The following RTL9 variants were observed in gnomAD, a reference collection of about 807,000 sequenced individuals.
RTL9 encodes retrotransposon Gag-like protein 9.
A neutral mutation model predicts 44.7 loss-of-function variants in RTL9; 19 were observed. The ratio of observed to expected loss-of-function variants is 0.42; its 90% confidence interval spans 0.30 to 0.62. The LOEUF (loss-of-function observed/expected upper bound fraction) is 0.62, where lower values mean the gene tolerates loss of function less well. RTL9 is among the 20% of genes least tolerant of loss of function. The pLI is 0.16. For missense variants in RTL9, 1,105 were observed against 1,080.6 expected, an observed-to-expected ratio of 1.02 and a Z score of -0.32; for synonymous variants, 407 against 398.9, an observed-to-expected ratio of 1.02 and a Z score of -0.24.
intron 1 of RTL9, among the ~76,000 whole-genome samples, chrX:110,370,593 T>G (rs913307807): frequency 8.9e-6 from 1 of 112,629 alleles, no homozygotes; most frequent in African/African-American, 3.2e-5. Context: ...GTTAATTACT[T>G]AATTTTCTTA....
rs772510372 is a variant in RTL9 at position 110,365,388 on chromosome X, C to T, written c.-168+6472C>T. ...AGAATAAACTCCAAATGTTCATTTACAATTCCAGCCAATAATCACTTACCT... is the reference window on the plus strand; with the variant it reads ...AGAATAAACTCCAAATGTTCATTTATAATTCCAGCCAATAATCACTTACCT... On this transcript the variant is annotated intron_variant, in intron 1 of 2. Coordinates refer to the RTL9 transcript ENST00000520821. 4.4e-5 allele frequency among the ~76,000 whole-genome samples: 5 copies of T among 112,407 alleles called. 1 individual carries two copies. The highest frequency in any genetic ancestry group is 9.1e-3 in the Middle Eastern group (2 of 219).
chrX:110,451,144 T>C (rs1363814899), exon 1 of RTL9: 1 of 1,210,402 alleles, frequency 8.3e-7, no homozygotes, highest in African/African-American at 1.7e-5. Context: ...TCCTCTGGAG[T>C]GGTGTGTACA....
At chrX:110,446,417 G>C (rs973853971), upstream of RTL9, among the ~76,000 whole-genome samples, 1 of 110,799 alleles carries the variant, frequency 9.0e-6, no homozygotes, top group Non-Finnish European at 1.9e-5. Flanking sequence ...CTTGGGTCGG[G>C]GGGTGGATGT....
At chrX:110,423,263 G>A (rs1471954890) in intron 1 of RTL9, among the ~76,000 whole-genome samples, 1 of 110,265 alleles carries the variant, frequency 9.1e-6, no homozygotes, top group Admixed American at 9.6e-5. Context: ...GGGAGGTTGA[G>A]GTTGCAGTGA....
chrX:110,418,422 G>C (rs1216688333), upstream of RTL9, among the ~76,000 whole-genome samples: 1 of 111,958 alleles, frequency 8.9e-6, no homozygotes, highest in East Asian at 2.8e-4. Context: ...TGTGCCGATG[G>C]CCCCCGTGTG....
intron 1 of RTL9, among the ~76,000 whole-genome samples, chrX:110,400,668 A>G (rs1456049147): frequency 9.0e-6 from 1 of 111,482 alleles, no homozygotes; most frequent in Non-Finnish European, 1.9e-5. Context: ...TGTCTCGCAA[A>G]TATTTTCTCT....
At chrX:110,447,111 CTTTTTTT>C (rs1181988453), upstream of RTL9, among the ~76,000 whole-genome samples, 51 of 36,834 alleles carry the variant, frequency 1.4e-3, 1 homozygote, top group African/African-American at 6.8e-3. Flanking sequence ...TATTCTGTGA[CTTTTTTT>C]TTTTTTTTTT....
At chrX:110,436,369 A>C (rs2068838517) in intron 1 of RTL9, among the ~76,000 whole-genome samples, 2 of 111,901 alleles carry the variant, frequency 1.8e-5, no homozygotes, top group Non-Finnish European at 1.9e-5. Context: ...AGAGCTCTTT[A>C]AACATGCAGA....
chrX:110,365,430 C>T lies in RTL9; in HGVS notation c.-168+6514C>T, dbSNP rs775042068. On this transcript the variant is annotated intron_variant, in intron 1 of 2. Coordinates refer to the RTL9 transcript ENST00000520821. ...CACTTACCTTATTGCATTCTTGTAG[C>T]GTGATCTATATGCTTTAGTTCATGT... 7.1e-5 allele frequency among the ~76,000 whole-genome samples: 8 copies of T among 112,186 alleles called. No homozygotes were observed. In the South Asian group the frequency reaches 2.6e-3, roughly 37 times the overall value.
At chrX:110,413,923 T>C (rs1263962394) in intron 1 of RTL9, among the ~76,000 whole-genome samples, 7 of 111,833 alleles carry the variant, frequency 6.3e-5, no homozygotes, top group Admixed American at 1.9e-4. Context: ...ATCCTCACAA[T>C]AACTTTATGA....
intron 1 of RTL9, among the ~76,000 whole-genome samples, chrX:110,391,923 T>C (rs2068496530): frequency 8.9e-6 from 1 of 112,089 alleles, no homozygotes; most frequent in Admixed American, 9.4e-5. Context: ...TGTGAAAAAA[T>C]AATATGCTTC....
chrX:110,451,872 C>G (rs769672389), exon 1 of RTL9: 1 of 1,211,197 alleles, frequency 8.3e-7, no homozygotes, highest in Non-Finnish European at 1.1e-6. Context: ...AATGGGAGCC[C>G]CAGCCTCTGG....
chrX:110,440,448 G>T (rs1479874358), intron 1 of RTL9, among the ~76,000 whole-genome samples: 2 of 111,925 alleles, frequency 1.8e-5, no homozygotes, highest in Non-Finnish European at 3.8e-5. Flanking sequence ...AGATTTGTTG[G>T]TAGGAGGAAC....
intron 1 of RTL9, among the ~76,000 whole-genome samples, chrX:110,422,168 T>C (rs2068721871): frequency 8.9e-6 from 1 of 112,841 alleles, no homozygotes; most frequent in African/African-American, 3.2e-5. Context: ...TGTCTCTTTT[T>C]CCCTGTCCAG....
chrX:110,422,055 C>T (rs1297342854), intron 1 of RTL9, among the ~76,000 whole-genome samples: 1 of 113,163 alleles, frequency 8.8e-6, no homozygotes, highest in Non-Finnish European at 1.9e-5. Flanking sequence ...GCTGCAGATT[C>T]CCTTTCTGGA....
At chrX:110,422,881 A>G (rs1469526179) in intron 1 of RTL9, among the ~76,000 whole-genome samples, 1 of 112,291 alleles carries the variant, frequency 8.9e-6, no homozygotes, top group Non-Finnish European at 1.9e-5. Flanking sequence ...AGAGATAGAG[A>G]ATGCAGGAAT....
chrX:110,424,268 T>C (rs1170848411), intron 1 of RTL9, among the ~76,000 whole-genome samples: 2 of 111,725 alleles, frequency 1.8e-5, no homozygotes, highest in Non-Finnish European at 3.8e-5. Flanking sequence ...AATTCATCCT[T>C]AGAAAAGTTT....
At chrX:110,413,501 C>T (rs978629596) in intron 1 of RTL9, among the ~76,000 whole-genome samples, 7 of 109,414 alleles carry the variant, frequency 6.4e-5, no homozygotes, top group Non-Finnish European at 1.3e-4. Flanking sequence ...TTATAACCAT[C>T]CCCTCCTGGT....
exon 1 of RTL9, chrX:110,452,744 A>G: frequency 3.3e-6 from 4 of 1,210,056 alleles, no homozygotes; most frequent in Non-Finnish European, 3.4e-6. Context: ...CTGCCTCACT[A>G]ATGAGAGCCA....
Sources: gnomAD v4.1 joint callset for allele counts (sites outside exome capture counted in the v4.1 genomes callset) on GRCh38, gnomAD v4.1.1 for gene constraint, MANE v1.5 for transcripts, NCBI Gene and HGNC (gene_info 2026-07-23, HGNC 2026-07-21) for gene names.